GRID2: variants seen among roughly 807,000 people sequenced by gnomAD.
The protein encoded by GRID2 is glutamate ionotropic receptor delta type subunit 2.
A neutral mutation model predicts 114.8 loss-of-function variants in GRID2; 33 were observed. The ratio of observed to expected loss-of-function variants is 0.29; its 90% CI spans 0.22 to 0.38. GRID2 has a LOEUF of 0.38. Ranked by LOEUF, GRID2 falls within the 10% of genes least tolerant of loss-of-function variation. The pLI, the probability that GRID2 is intolerant of heterozygous loss-of-function variation, is 1.00. For missense variants in GRID2, 1,184 were observed against 1,257.7 expected, an observed-to-expected ratio of 0.94 and a Z score of 0.89; for synonymous variants, 505 against 449.9, an observed-to-expected ratio of 1.12 and a Z score of -1.55.
At chr4:93,494,728 C>G (rs1024638003) in intron 12 of GRID2, among the ~76,000 whole-genome samples, 13 of 151,740 alleles carry the variant, frequency 8.6e-5, no homozygotes, top group African/African-American at 3.1e-4. Flanking sequence ...CCACAAGACT[C>G]TAATGACAAT....
intron 13 of GRID2, among the ~76,000 whole-genome samples, chr4:93,577,955 G>A (rs560782463): frequency 6.6e-6 from 1 of 152,204 alleles, no homozygotes; most frequent in Non-Finnish European, 1.5e-5. Context: ...GCGTGTTTGT[G>A]CCAAGAAAAT....
chr4:93,682,970 A>G (rs958097295), intron 14 of GRID2, among the ~76,000 whole-genome samples: 2 of 151,882 alleles, frequency 1.3e-5, no homozygotes, highest in Admixed American at 6.6e-5. Flanking sequence ...AAACACCCGT[A>G]TCTGTTTCAG....
chr4:93,107,497 G>C (rs2149347590), intron 3 of GRID2, among the ~76,000 whole-genome samples: 1 of 151,934 alleles, frequency 6.6e-6, no homozygotes, highest in Admixed American at 6.6e-5. Flanking sequence ...ACGTTATATA[G>C]TTTCAAATTA....
At chr4:92,574,144 T>C (rs754769119) in intron 1 of GRID2, among the ~76,000 whole-genome samples, 1 of 152,098 alleles carries the variant, frequency 6.6e-6, no homozygotes, top group Non-Finnish European at 1.5e-5. Context: ...TTTTCCTGTT[T>C]TCCATTTCCT....
chr4:92,789,319 A>C (rs947857313), intron 2 of GRID2, among the ~76,000 whole-genome samples: 1 of 151,892 alleles, frequency 6.6e-6, no homozygotes, highest in Non-Finnish European at 1.5e-5. Flanking sequence ...TTACATACAT[A>C]AGGCTTTGAT....
chr4:92,659,075 G>A lies in GRID2; in HGVS notation c.244+68789G>A, dbSNP rs191145275. 3.0e-3 allele frequency among the ~76,000 whole-genome samples: 407 copies of A among 133,702 alleles called. 20 individuals carry two copies. The highest frequency in any genetic ancestry group is 5.6e-3 in the Non-Finnish European group (334 of 59,492). 87.7% of individuals were successfully genotyped at this position (133,702 alleles called of 152,430 possible). A position where few individuals can be genotyped will look rare whatever the true frequency, so the allele number is the denominator to read the frequency against. On this transcript the variant is annotated intron_variant, in intron 2 of 15. Coordinates refer to ENST00000282020, the MANE Select transcript of GRID2 (RefSeq NM_001510.4). ...CCCCAATAGATTACAATGTCATGTAGATGCAGAAATAAAGATGGTTATATT... is the reference window on the plus strand; with the variant it reads ...CCCCAATAGATTACAATGTCATGTAAATGCAGAAATAAAGATGGTTATATT...
chr4:93,346,407 A>C (rs906252011), intron 8 of GRID2, among the ~76,000 whole-genome samples: 1 of 152,014 alleles, frequency 6.6e-6, no homozygotes, highest in Non-Finnish European at 1.5e-5. Context: ...TCAGCACAAT[A>C]CTCCAAAACA....
intron 8 of GRID2, among the ~76,000 whole-genome samples, chr4:93,332,994 C>T (rs11935918): frequency 0.25 from 38,505 of 151,914 alleles, 8,186 homozygotes; most frequent in African/African-American, 0.58. Flanking sequence ...TGCTTTATTC[C>T]TAGAAGATTA....
intron 8 of GRID2, among the ~76,000 whole-genome samples, chr4:93,288,049 ATTTCCTAAAATTTATTTT>A (rs1463278778): frequency 6.6e-6 from 1 of 152,166 alleles, no homozygotes; most frequent in East Asian, 1.9e-4. Flanking sequence ...ACACATCAAT[ATTTCCTAAAATTTATTTT>A]TAAGATTTGT....
At chr4:93,304,181 C>T (rs1021529107) in intron 8 of GRID2, among the ~76,000 whole-genome samples, 6 of 147,206 alleles carry the variant, frequency 4.1e-5, no homozygotes, top group African/African-American at 7.5e-5. Context: ...ACTTTATTTT[C>T]GTAAAATCTG....
At chr4:93,400,830 A>C (rs905156066) in intron 9 of GRID2, among the ~76,000 whole-genome samples, 1 of 151,760 alleles carries the variant, frequency 6.6e-6, no homozygotes, top group Non-Finnish European at 1.5e-5. Context: ...GACTTTAGAG[A>C]GTTTTTTTGT....
intron 14 of GRID2, among the ~76,000 whole-genome samples, chr4:93,686,958 C>G (rs79971124): frequency 0.041 from 6,251 of 151,982 alleles, 197 homozygotes; most frequent in African/African-American, 0.081. Flanking sequence ...GAGACATGAT[C>G]TGACTGCTGC....
intron 1 of GRID2, among the ~76,000 whole-genome samples, chr4:92,562,137 C>T (rs1180916268): frequency 6.6e-6 from 1 of 152,090 alleles, no homozygotes; most frequent in Admixed American, 6.6e-5. Context: ...GTCTAATGAT[C>T]CATTCTTTCC....
intron 2 of GRID2, among the ~76,000 whole-genome samples, chr4:92,867,569 T>A (rs1744960138): frequency 6.7e-6 from 1 of 148,986 alleles, no homozygotes. Context: ...GAGAGAAGTT[T>A]AGCTGTACTA....
intron 1 of GRID2, among the ~76,000 whole-genome samples, chr4:92,439,329 T>A (rs1238109971): frequency 1.3e-5 from 2 of 152,180 alleles, no homozygotes; most frequent in African/African-American, 2.4e-5. Flanking sequence ...ATTCTTCAGT[T>A]ACTTCAGGCC....
At chr4:93,679,966 T>G (rs1181938580) in intron 14 of GRID2, among the ~76,000 whole-genome samples, 1 of 150,832 alleles carries the variant, frequency 6.6e-6, no homozygotes, top group Non-Finnish European at 1.5e-5. Context: ...AAAAAACCTT[T>G]CAAAAAATTA....
At chr4:93,288,692 A>G (rs1472164537) in intron 8 of GRID2, among the ~76,000 whole-genome samples, 1 of 152,192 alleles carries the variant, frequency 6.6e-6, no homozygotes, top group Non-Finnish European at 1.5e-5. Context: ...ATACATTGAT[A>G]TGTTGTATCA....
intron 8 of GRID2, among the ~76,000 whole-genome samples, chr4:93,256,059 T>C (rs756278418): frequency 6.6e-6 from 1 of 152,122 alleles, no homozygotes; most frequent in Non-Finnish European, 1.5e-5. Flanking sequence ...CCCTGATTGC[T>C]GAAATACAAA....
At chr4:92,701,301 A>T (rs916979172) in intron 2 of GRID2, among the ~76,000 whole-genome samples, 1 of 152,200 alleles carries the variant, frequency 6.6e-6, no homozygotes, top group Admixed American at 6.5e-5. Context: ...TGGTATGATT[A>T]TCCAAGCACT....
Sources: allele counts gnomAD v4.1 joint callset (sites outside exome capture counted in the v4.1 genomes callset), GRCh38; gene constraint gnomAD v4.1.1; transcripts MANE v1.5; gene names NCBI Gene and HGNC (gene_info 2026-07-23, HGNC 2026-07-21).